The following NCOR1 variants were observed in gnomAD, a reference collection of about 807,000 sequenced individuals.
NCOR1 encodes nuclear receptor corepressor 1, also known as protein phosphatase 1, regulatory subunit 109.
A neutral mutation model predicts 288.1 loss-of-function variants in NCOR1; 63 were observed. That is an observed-to-expected ratio of 0.22 (90% CI 0.18 to 0.27). The LOEUF (loss-of-function observed/expected upper bound fraction) is 0.27, where lower values mean the gene tolerates loss of function less well. NCOR1 is among the 10% of genes least tolerant of loss of function. The pLI is 1.00. For missense variants in NCOR1, 2,397 were observed against 3,019.2 expected (o/e 0.79, Z 4.83); for synonymous variants, 1,007 against 1,065.9 (o/e 0.94, Z 1.08).
chr17:16,080,820 TAA>T (rs879731007), intron 23 of NCOR1, 93 bp from the exon 24 acceptor site: 687 of 921,216 alleles, frequency 7.5e-4, no homozygotes, highest in South Asian at 1.1e-3. Flanking sequence ...CATTTCTGTT[TAA>T]AAAAAAAAAA....
chr17:16,077,538 A>G (rs1456286084), intron 26 of NCOR1, among the ~76,000 whole-genome samples: 1 of 15,384 alleles, frequency 6.5e-5, no homozygotes, highest in African/African-American at 3.4e-4. Context: ...GGGGGAGGAG[A>G]GGGGAGGAGA....
intron 20 of NCOR1, 84 bp downstream of exon 20, chr17:16,101,166 A>T: frequency 7.3e-7 from 1 of 1,368,402 alleles, no homozygotes; most frequent in Non-Finnish European, 9.9e-7. Context: ...TACATAGGAG[A>T]CATGTCTGCA....
At chr17:16,082,064 T>C (rs900719356) in intron 23 of NCOR1, among the ~76,000 whole-genome samples, 4 of 152,230 alleles carry the variant, frequency 2.6e-5, no homozygotes, top group Admixed American at 1.3e-4. Flanking sequence ...AATGTCTGTC[T>C]AATCATTAGC....
At chr17:16,176,629 T>A (rs2084257089) in intron 3 of NCOR1, among the ~76,000 whole-genome samples, 1 of 151,018 alleles carries the variant, frequency 6.6e-6, no homozygotes, top group Non-Finnish European at 1.5e-5. Context: ...ATCTGCCTGT[T>A]GTTTTTATTG....
intron 4 of NCOR1, among the ~76,000 whole-genome samples, chr17:16,169,171 A>G (rs1399806048): frequency 2.0e-5 from 3 of 152,184 alleles, no homozygotes; most frequent in Non-Finnish European, 4.4e-5. Flanking sequence ...AGTAAGTTAA[A>G]CAGAATGTAC....
chr17:16,189,753 T>TA (rs1308180120), intron 2 of NCOR1, among the ~76,000 whole-genome samples: 1 of 151,938 alleles, frequency 6.6e-6, no homozygotes, highest in African/African-American at 2.4e-5. Flanking sequence ...ATGAAAATAT[T>TA]AAAAAAACAA....
Position 16,143,210 on chromosome 17 carries a change from C to T in NCOR1, c.1173+396G>A, listed in dbSNP as rs188457668. 6.6e-3 allele frequency among the ~76,000 whole-genome samples: 1,005 copies of T among 152,330 alleles called. 9 individuals are homozygous for T. Among genetic ancestry groups the T allele is most frequent in the Non-Finnish European group, 0.011 (776 of 68,038 alleles). On this transcript the variant is annotated intron_variant, in intron 11 of 45. Transcript: ENST00000268712. ...TTTAGGAAACGGCACCACCAGCTTA[C>T]TCCTCTAACCTAGAAACAAGGGAGT...
chr17:16,092,652 TATATATATATA>T (rs2065394457), intron 21 of NCOR1, among the ~76,000 whole-genome samples: 4 of 11,162 alleles, frequency 3.6e-4, no homozygotes, highest in Admixed American at 1.6e-3. Flanking sequence ...TCCATTTATA[TATATATATATA>T]TATATATATA....
Position 16,030,959 on chromosome 17 carries a change from C to G in NCOR1, c.*1337G>C, listed in dbSNP as rs999026112. 1.0e-5 allele frequency: 2 copies of G among 196,074 alleles called. No individual in the cohort carries two copies. The highest frequency in any genetic ancestry group is 4.6e-5 in the African/African-American group (2 of 43,258). The allele number at this position is 196,074 out of a possible 1,614,324, so 12.1% of individuals were successfully genotyped here. A position where few individuals can be genotyped will look rare whatever the true frequency, so the allele number is the denominator to read the frequency against. On this transcript the variant is annotated 3_prime_UTR_variant, in exon 46 of 46. Coordinates refer to ENST00000268712, the MANE Select transcript of NCOR1 (RefSeq NM_006311.4). Reference sequence around the variant, plus strand: ...GATCTGTTTCTCCCCTTTCCAGTTACCAGTGGCATTCTCCCAAAACTGTTA... The same window carrying G: ...GATCTGTTTCTCCCCTTTCCAGTTAGCAGTGGCATTCTCCCAAAACTGTTA...
At chr17:16,130,977 C>A (rs1171290949) in intron 14 of NCOR1, among the ~76,000 whole-genome samples, 1 of 150,848 alleles carries the variant, frequency 6.6e-6, no homozygotes, top group African/African-American at 2.4e-5. Context: ...GCATAAGCCA[C>A]CGCACCTGGA....
chr17:16,164,680 T>C (rs1457703613), intron 5 of NCOR1, among the ~76,000 whole-genome samples: 2 of 151,898 alleles, frequency 1.3e-5, no homozygotes, highest in African/African-American at 2.4e-5. Context: ...CCTGGGCACA[T>C]GCCCTAGAAA....
chr17:16,188,449 A>T (rs1430204782), intron 2 of NCOR1, among the ~76,000 whole-genome samples: 2 of 151,736 alleles, frequency 1.3e-5, no homozygotes, highest in African/African-American at 4.8e-5. Context: ...ATCTCCACTA[A>T]AAACACAAAA....
At chr17:16,197,695 G>A (rs551282560) in intron 1 of NCOR1, among the ~76,000 whole-genome samples, 2,469 of 152,284 alleles carry the variant, frequency 0.016, 62 homozygotes, top group African/African-American at 0.056. Context: ...ACTAGGAGGA[G>A]CTGAGATGTT....
At chr17:16,033,968 T>C (rs534683780) in intron 45 of NCOR1, among the ~76,000 whole-genome samples, 21 of 152,288 alleles carry the variant, frequency 1.4e-4, no homozygotes, top group African/African-American at 4.8e-4. Context: ...AATGCTGGGA[T>C]AACAGGCATG....
At position 16,139,982 on chromosome 17, in the gene NCOR1, A is replaced by T. The variant is rs1345887276; in HGVS notation, c.1174-796T>A. ...TCCTGGGACACTCTCAATCAGTTTG[A>T]ACACTATAGTGTTTAGACTGAAATT... On this transcript the variant is annotated intron_variant, in intron 11 of 45. Coordinates refer to ENST00000268712, the MANE Select transcript of NCOR1 (RefSeq NM_006311.4). Among the ~76,000 whole-genome samples, 3 of 152,216 alleles carry T rather than the reference A, an allele frequency of 2.0e-5. No individual in the cohort carries two copies. The East Asian group carries it at 5.8e-4, about 29-fold the overall frequency.
intron 21 of NCOR1, among the ~76,000 whole-genome samples, chr17:16,092,370 C>T (rs915718141): frequency 3.3e-5 from 5 of 151,620 alleles, no homozygotes; most frequent in Admixed American, 6.6e-5. Context: ...GCCTGTAGTC[C>T]CAGCTACTCG....
intron 1 of NCOR1, among the ~76,000 whole-genome samples, chr17:16,213,553 T>C (rs986035160): frequency 1.5e-5 from 2 of 137,110 alleles, no homozygotes; most frequent in Middle Eastern, 4.1e-3. Context: ...AGAGATAAAA[T>C]AGGTACATAA....
intron 3 of NCOR1, among the ~76,000 whole-genome samples, chr17:16,179,238 C>A (rs895430461): frequency 6.6e-6 from 1 of 151,810 alleles, no homozygotes; most frequent in Non-Finnish European, 1.5e-5. Flanking sequence ...AATTATATTT[C>A]AAAATAACTT....
At chr17:16,183,236 AAAAAAAAAAGAAAAG>A (rs1472832357) in intron 3 of NCOR1, among the ~76,000 whole-genome samples, 3 of 150,642 alleles carry the variant, frequency 2.0e-5, no homozygotes, top group African/African-American at 7.3e-5. Flanking sequence ...CAAACAAAAA[AAAAAAAAAAGAAAAG>A]AAAAAAAAGA....
Sources: allele counts gnomAD v4.1 joint callset (sites outside exome capture counted in the v4.1 genomes callset), GRCh38; gene constraint gnomAD v4.1.1; transcripts MANE v1.5; gene names NCBI Gene and HGNC (gene_info 2026-07-23, HGNC 2026-07-21).